Variants in PCDH7 observed in about 807,000 individuals in gnomAD.
The protein encoded by PCDH7 is protocadherin 7.
In PCDH7, 17 loss-of-function variants were observed where a neutral mutation model predicts 58.9. The observed-to-expected ratio is 0.29, with a 90% CI of 0.20 to 0.43. The LOEUF (loss-of-function observed/expected upper bound fraction) is 0.43. Among genes scored for constraint, PCDH7 ranks in the 20% least tolerant of loss-of-function variants. PCDH7 has a pLI of 1.00. For synonymous variants in PCDH7, 664 were observed against 616.4 expected (o/e 1.08, Z -1.14); for missense variants, 1,274 against 1,441.0 (o/e 0.88, Z 1.88).
At chr4:31,072,269 T>A (rs776486830) in intron 3 of PCDH7, among the ~76,000 whole-genome samples, 8 of 152,144 alleles carry the variant, frequency 5.3e-5, no homozygotes, top group Non-Finnish European at 7.4e-5. Flanking sequence ...GTCATTCTGT[T>A]GAGCACTGCA....
chr4:30,966,422 A>T (rs1445283337), intron 3 of PCDH7, among the ~76,000 whole-genome samples: 1 of 152,154 alleles, frequency 6.6e-6, no homozygotes, highest in Non-Finnish European at 1.5e-5. Context: ...TTTTGTGACA[A>T]GATTTACTAT....
At position 31,097,182 on chromosome 4, in the gene PCDH7, C is replaced by T. The variant is rs112085917; in HGVS notation, c.*8-45291C>T. ...ATACTTCTATCTTTAAGTGTCTGGG[C>T]GCGGTGGCTCACACCTGCAATCCCA... is the stretch of plus-strand genomic sequence containing the variant. On this transcript the variant is annotated intron_variant, in intron 3 of 3. Coordinates refer to the PCDH7 transcript ENST00000509759. Among the ~76,000 whole-genome samples the T allele has an allele frequency of 4.1e-3, 617 of 152,074 alleles. 2 individuals carry two copies. Among genetic ancestry groups the T allele is most frequent in the Non-Finnish European group, 6.2e-3 (421 of 67,986 alleles).
intron 3 of PCDH7, among the ~76,000 whole-genome samples, chr4:31,036,976 T>C (rs991011798): frequency 3.9e-5 from 6 of 151,984 alleles, no homozygotes; most frequent in African/African-American, 1.5e-4. Context: ...GTCACAAGAA[T>C]AGTGTGGGAA....
At chr4:30,743,500 T>G (rs562803825) in intron 1 of PCDH7, among the ~76,000 whole-genome samples, 2 of 148,776 alleles carry the variant, frequency 1.3e-5, no homozygotes, top group African/African-American at 2.5e-5. Flanking sequence ...AAAAACTGGG[T>G]GGGGGAGGGA....
chr4:30,912,895 G>T (rs1741974814), intron 1 of PCDH7, among the ~76,000 whole-genome samples: 1 of 152,128 alleles, frequency 6.6e-6, no homozygotes. Flanking sequence ...TTGCTTAGTA[G>T]ATGAAAGGCA....
intron 1 of PCDH7, among the ~76,000 whole-genome samples, chr4:30,903,171 G>T (rs1740452281): frequency 6.6e-6 from 1 of 151,914 alleles, no homozygotes; most frequent in African/African-American, 2.4e-5. Context: ...ATATTATTTA[G>T]TGAATTTATT....
At chr4:30,804,165 T>A (rs1173306043) in intron 1 of PCDH7, among the ~76,000 whole-genome samples, 2 of 152,144 alleles carry the variant, frequency 1.3e-5, no homozygotes, top group Admixed American at 6.5e-5. Flanking sequence ...TTATCATATG[T>A]TTAAATGTAA....
At chr4:30,902,693 G>C (rs1740386576) in intron 1 of PCDH7, among the ~76,000 whole-genome samples, 2 of 151,894 alleles carry the variant, frequency 1.3e-5, no homozygotes, top group African/African-American at 2.4e-5. Context: ...AAAAAAAAGA[G>C]ACTTGAAAAA....
intron 1 of PCDH7, among the ~76,000 whole-genome samples, chr4:30,741,747 A>C (rs553112577): frequency 2.6e-5 from 4 of 152,244 alleles, no homozygotes; most frequent in Admixed American, 2.6e-4. Flanking sequence ...TGCAATTACT[A>C]TATGAGTAGA....
chr4:30,893,223 A>G (rs1354805965), intron 1 of PCDH7, among the ~76,000 whole-genome samples: 7 of 152,116 alleles, frequency 4.6e-5, no homozygotes, highest in African/African-American at 9.6e-5. Context: ...AGCAGACAAT[A>G]TATTTCTTTA....
At chr4:30,903,257 A>G (rs1412283541) in intron 1 of PCDH7, among the ~76,000 whole-genome samples, 1 of 152,148 alleles carries the variant, frequency 6.6e-6, no homozygotes, top group Non-Finnish European at 1.5e-5. Context: ...ACTCAAGTAT[A>G]AAACAGAAAC....
At chr4:31,067,652 T>A (rs1758201590) in intron 3 of PCDH7, among the ~76,000 whole-genome samples, 1 of 151,770 alleles carries the variant, frequency 6.6e-6, no homozygotes, top group African/African-American at 2.4e-5. Flanking sequence ...ATGAAATGAG[T>A]AAGAAGTAAA....
At chr4:31,104,960 C>A (rs1176441287) in intron 3 of PCDH7, among the ~76,000 whole-genome samples, 1 of 152,170 alleles carries the variant, frequency 6.6e-6, no homozygotes, top group South Asian at 2.1e-4. Context: ...ATGAAAGCAC[C>A]AGTGTACCTT....
chr4:31,024,167 G>C (rs1754243681), intron 3 of PCDH7, among the ~76,000 whole-genome samples: 4 of 152,122 alleles, frequency 2.6e-5, no homozygotes, highest in African/African-American at 9.7e-5. Context: ...GAGAACTGTG[G>C]AGAATAATAT....
intron 3 of PCDH7, among the ~76,000 whole-genome samples, chr4:31,074,780 G>A (rs1028134908): frequency 4.8e-4 from 26 of 54,688 alleles, no homozygotes; most frequent in Middle Eastern, 0.019. Flanking sequence ...GGGAGATTCC[G>A]TCTCAAAAAA....
chr4:30,753,441 A>G (rs954426951), intron 1 of PCDH7, among the ~76,000 whole-genome samples: 4 of 152,228 alleles, frequency 2.6e-5, no homozygotes, highest in East Asian at 1.9e-4. Context: ...TAACTTGCAC[A>G]TATTGCTTAG....
chr4:30,960,154 G>GAA (rs1401744966), intron 3 of PCDH7, among the ~76,000 whole-genome samples: 44 of 127,032 alleles, frequency 3.5e-4, no homozygotes, highest in South Asian at 6.1e-4. Flanking sequence ...AGGAAGGAAG[G>GAA]GAGGGAGGGA....
chr4:31,074,784 C>CAAAAAAAAAAAAAAAAAAAAAAAAAAAAA (rs1157267696), intron 3 of PCDH7, among the ~76,000 whole-genome samples: 3 of 52,470 alleles, frequency 5.7e-5, no homozygotes, highest in African/African-American at 2.6e-4. Flanking sequence ...GATTCCGTCT[C>CAAAAAAAAAAAAAAAAAAAAAAAAAAAAA]AAAAAAAAAA....
chr4:30,742,346 G>A (rs1365004868), intron 1 of PCDH7, among the ~76,000 whole-genome samples: 2 of 152,090 alleles, frequency 1.3e-5, no homozygotes, highest in Non-Finnish European at 2.9e-5. Flanking sequence ...TTAGATGAAG[G>A]CACACCCTGG....
Sources: gnomAD v4.1 joint callset for allele counts (sites outside exome capture counted in the v4.1 genomes callset) on GRCh38, gnomAD v4.1.1 for gene constraint, MANE v1.5 for transcripts, NCBI Gene and HGNC (gene_info 2026-07-23, HGNC 2026-07-21) for gene names.